The following LDLRAD3 variants were observed in gnomAD, a reference collection of about 807,000 sequenced individuals.
LDLRAD3 encodes low-density lipoprotein receptor class A domain-containing protein 3.
A neutral mutation model predicts 29.4 loss-of-function variants in LDLRAD3; 20 were observed. The ratio of observed to expected loss-of-function variants is 0.68; its 90% confidence interval spans 0.48 to 0.99. LDLRAD3 has a LOEUF of 0.99. Ranked by LOEUF, LDLRAD3 falls within the 50% of genes least tolerant of loss-of-function variation. The pLI is 0.00. For synonymous variants in LDLRAD3, 157 were observed against 192.7 expected (o/e 0.81, Z 1.53); for missense variants, 420 against 454.3 (o/e 0.92, Z 0.69).
chr11:36,072,294 C>G (rs1175467457), intron 2 of LDLRAD3, among the ~76,000 whole-genome samples: 1 of 152,192 alleles, frequency 6.6e-6, no homozygotes, highest in East Asian at 1.9e-4. Context: ...TCTGGTGGAA[C>G]AGAGAGGCTT....
intron 1 of LDLRAD3, among the ~76,000 whole-genome samples, chr11:35,981,686 A>G (rs1238202049): frequency 6.6e-6 from 1 of 152,164 alleles, no homozygotes; most frequent in East Asian, 1.9e-4. Flanking sequence ...GCAGTTTGCC[A>G]AAGTCGCATT....
chr11:36,003,134 CTATCAA>C (rs1851844723), intron 1 of LDLRAD3, among the ~76,000 whole-genome samples: 1 of 152,188 alleles, frequency 6.6e-6, no homozygotes, highest in Admixed American at 6.5e-5. Flanking sequence ...AGAAAATGCC[CTATCAA>C]TATCAGAGGT....
At chr11:35,957,728 G>A (rs1273242694) in intron 1 of LDLRAD3, among the ~76,000 whole-genome samples, 6 of 149,690 alleles carry the variant, frequency 4.0e-5, no homozygotes, top group African/African-American at 7.4e-5. Context: ...CCCAGGAGAC[G>A]GAGGTTGCAT....
intron 4 of LDLRAD3, among the ~76,000 whole-genome samples, chr11:36,191,570 C>A (rs1458058358): frequency 4.1e-3 from 322 of 78,112 alleles, no homozygotes; most frequent in East Asian, 8.3e-3. Flanking sequence ...CTCTCTCTCT[C>A]TCTCTCTATA....
chr11:36,134,136 C>A (rs1853970487), intron 4 of LDLRAD3, among the ~76,000 whole-genome samples: 1 of 152,028 alleles, frequency 6.6e-6, no homozygotes, highest in Non-Finnish European at 1.5e-5. Flanking sequence ...TGTTTGTCTG[C>A]AAGTTACCTC....
At chr11:36,101,398 A>G (rs555690110) in intron 4 of LDLRAD3, among the ~76,000 whole-genome samples, 16 of 152,330 alleles carry the variant, frequency 1.1e-4, no homozygotes, top group Admixed American at 3.9e-4. Flanking sequence ...GAGTGTTGTT[A>G]TTAATGCTGT....
At chr11:35,954,868 T>C (rs940916209) in intron 1 of LDLRAD3, among the ~76,000 whole-genome samples, 1 of 152,246 alleles carries the variant, frequency 6.6e-6, no homozygotes, top group Admixed American at 6.5e-5. Context: ...AAAACTGCTA[T>C]GCATCTTAAT....
At chr11:36,132,347 CTG>C (rs749983745) in intron 4 of LDLRAD3, among the ~76,000 whole-genome samples, 2 of 151,838 alleles carry the variant, frequency 1.3e-5, no homozygotes, top group South Asian at 2.1e-4. Flanking sequence ...AAACGTGTGA[CTG>C]TGTGTGTGTG....
rs575347488 is a variant in LDLRAD3 at position 36,136,283 on chromosome 11, C to T, written c.454+37822C>T. On this transcript the variant is annotated intron_variant, in intron 4 of 5. Transcript: ENST00000315571. The stretch of plus-strand genomic sequence containing the variant: ...TGTCTTAGGTAGACTTCACAACAAC[C>T]CCACAAGGTAGATCCTGTTTTTCCT... Among the ~76,000 whole-genome samples, 16 of 152,286 alleles carry T rather than the reference C, an allele frequency of 1.1e-4. No individual in the cohort carries two copies. In the East Asian group the frequency reaches 2.9e-3, roughly 28 times the overall value.
At chr11:36,086,733 G>C (rs1297911649) in intron 3 of LDLRAD3, among the ~76,000 whole-genome samples, 2 of 152,154 alleles carry the variant, frequency 1.3e-5, no homozygotes, top group Non-Finnish European at 2.9e-5. Context: ...CACCATTTTG[G>C]TGATAGTTTA....
chr11:36,005,098 T>C (rs1851867750), intron 1 of LDLRAD3, among the ~76,000 whole-genome samples: 1 of 152,238 alleles, frequency 6.6e-6, no homozygotes, highest in South Asian at 2.1e-4. Flanking sequence ...TCCATTTTAC[T>C]TATGCAAACT....
At chr11:36,124,321 A>G (rs566955624) in intron 4 of LDLRAD3, among the ~76,000 whole-genome samples, 1 of 152,362 alleles carries the variant, frequency 6.6e-6, no homozygotes, top group African/African-American at 2.4e-5. Context: ...GCTACCAAGT[A>G]TCATGGAAGC....
chr11:35,971,778 C>T (rs185557413), intron 1 of LDLRAD3, among the ~76,000 whole-genome samples: 6 of 152,186 alleles, frequency 3.9e-5, no homozygotes, highest in Admixed American at 1.3e-4. Context: ...TCAGAACAGC[C>T]GGGAACTCAC....
chr11:36,141,263 C>T (rs901928818), intron 4 of LDLRAD3, among the ~76,000 whole-genome samples: 2 of 152,106 alleles, frequency 1.3e-5, no homozygotes, highest in African/African-American at 2.4e-5. Context: ...GGCTAAGTAG[C>T]TTTGTAGCAT....
At chr11:36,173,140 G>T (rs1854622028) in intron 4 of LDLRAD3, among the ~76,000 whole-genome samples, 1 of 151,872 alleles carries the variant, frequency 6.6e-6, no homozygotes, top group African/African-American at 2.4e-5. Context: ...GCCTTGAATG[G>T]TCTTTTGTAT....
At chr11:36,078,923 C>T (rs551421955) in intron 2 of LDLRAD3, among the ~76,000 whole-genome samples, 1 of 152,306 alleles carries the variant, frequency 6.6e-6, no homozygotes, top group South Asian at 2.1e-4. Flanking sequence ...CCCATAAGTC[C>T]CAGCTGTGCC....
rs12285666 is a variant in LDLRAD3, at chr11:35,968,104, A to G, written c.46+23960A>G. The G allele has an allele frequency of 6.4e-3, 2,904 of 450,700 alleles. 70 individuals carry two copies. Among genetic ancestry groups the G allele is most frequent in the African/African-American group, 0.053 (2,609 of 49,410 alleles). The allele number at this position is 450,700 out of a possible 1,614,324, so 27.9% of individuals were successfully genotyped here. A position where few individuals can be genotyped will look rare whatever the true frequency, so the allele number is the denominator to read the frequency against. ...TAGTAGGAAGCCATGTTGGTTTCTC[A>G]TAGAACACATGTCTCAGCAGGCAGC... On this transcript the variant is annotated intron_variant, in intron 1 of 5. Transcript: ENST00000315571.
At chr11:36,040,991 A>C (rs937099142) in intron 2 of LDLRAD3, among the ~76,000 whole-genome samples, 1 of 152,182 alleles carries the variant, frequency 6.6e-6, no homozygotes, top group African/African-American at 2.4e-5. Flanking sequence ...GACTAATATT[A>C]ATTTCCAGCT....
chr11:35,968,835 G>C (rs1049533225), intron 1 of LDLRAD3, among the ~76,000 whole-genome samples: 10 of 152,186 alleles, frequency 6.6e-5, no homozygotes, highest in Non-Finnish European at 1.3e-4. Flanking sequence ...TAACCTGGCA[G>C]GTTTCACAAC....
Sources: allele counts gnomAD v4.1 joint callset (sites outside exome capture counted in the v4.1 genomes callset), GRCh38; gene constraint gnomAD v4.1.1; transcripts MANE v1.5; gene names NCBI Gene and HGNC (gene_info 2026-07-23, HGNC 2026-07-21).